The following ESRRG variants were observed in gnomAD, a reference collection of about 807,000 sequenced individuals.
ESRRG encodes estrogen-related receptor gamma.
In ESRRG, 13 loss-of-function variants were observed where a neutral mutation model predicts 44.0. That is an observed-to-expected ratio of 0.30 (90% confidence interval 0.19 to 0.47). The LOEUF (loss-of-function observed/expected upper bound fraction) is 0.47, where lower values mean the gene tolerates loss of function less well. ESRRG is among the 20% of genes least tolerant of loss of function. The pLI is 1.00. For missense variants in ESRRG, 395 were observed against 580.6 expected, an observed-to-expected ratio of 0.68 and a Z score of 3.29; for synonymous variants, 215 against 214.6, an observed-to-expected ratio of 1.00 and a Z score of -0.02.
chr1:216,647,652 C>T (rs950805723), intron 3 of ESRRG, among the ~76,000 whole-genome samples: 1 of 152,210 alleles, frequency 6.6e-6, no homozygotes, highest in Non-Finnish European at 1.5e-5. Context: ...CTCCTTCACA[C>T]TCCCACCAAC....
chr1:216,565,974 G>T (rs1441202942), intron 4 of ESRRG, among the ~76,000 whole-genome samples: 1 of 81,300 alleles, frequency 1.2e-5, no homozygotes, highest in Non-Finnish European at 2.6e-5. Flanking sequence ...AAGTAATCAT[G>T]ATTCTAGTTG....
intron 2 of ESRRG, among the ~76,000 whole-genome samples, chr1:216,832,957 A>AC (rs2148768356): frequency 6.7e-6 from 1 of 150,134 alleles, no homozygotes; most frequent in South Asian, 2.1e-4. Context: ...CCTGGGCGAC[A>AC]GAGTGGGACT....
chr1:216,592,368 C>G (rs2057798160), intron 3 of ESRRG, among the ~76,000 whole-genome samples: 1 of 152,102 alleles, frequency 6.6e-6, no homozygotes, highest in Non-Finnish European at 1.5e-5. Flanking sequence ...TCTCCAGACT[C>G]CAAAAAGTTA....
At chr1:216,786,364 A>G (rs1419258755) in intron 2 of ESRRG, among the ~76,000 whole-genome samples, 1 of 152,164 alleles carries the variant, frequency 6.6e-6, no homozygotes, top group Non-Finnish European at 1.5e-5. Flanking sequence ...TCATACAGAA[A>G]TAAAGTAAGT....
intron 1 of ESRRG, among the ~76,000 whole-genome samples, chr1:217,019,912 T>C (rs1199157266): frequency 6.6e-6 from 1 of 152,192 alleles, no homozygotes; most frequent in South Asian, 2.1e-4. Flanking sequence ...AATTAGAAAG[T>C]ATTTCTAATG....
chr1:216,880,377 G>C (rs184787935), intron 2 of ESRRG, among the ~76,000 whole-genome samples: 9 of 147,644 alleles, frequency 6.1e-5, no homozygotes, highest in Admixed American at 5.5e-4. Context: ...TCATTTAGGG[G>C]ATTGATAACA....
At chr1:216,912,266 G>GAA in intron 2 of ESRRG, among the ~76,000 whole-genome samples, 1 of 53,496 alleles carries the variant, frequency 1.9e-5, no homozygotes, top group Non-Finnish European at 4.5e-5. Flanking sequence ...GAGAGGAGAG[G>GAA]GGAGGGGAGG....
At chr1:216,940,907 G>C (rs1034180413) in intron 1 of ESRRG, among the ~76,000 whole-genome samples, 4 of 152,150 alleles carry the variant, frequency 2.6e-5, no homozygotes, top group Non-Finnish European at 5.9e-5. Context: ...TTGAATACTA[G>C]AAAACAAAGG....
intron 1 of ESRRG, among the ~76,000 whole-genome samples, chr1:216,718,913 C>T (rs1395626502): frequency 6.6e-6 from 1 of 151,902 alleles, no homozygotes; most frequent in Non-Finnish European, 1.5e-5. Flanking sequence ...ATAAGTGATG[C>T]TAAAAAGTTT....
chr1:216,578,899 A>G (rs1459471198), intron 3 of ESRRG, among the ~76,000 whole-genome samples: 1 of 152,140 alleles, frequency 6.6e-6, no homozygotes, highest in African/African-American at 2.4e-5. Context: ...TTTCTCTCCT[A>G]GAGTTAACAA....
At chr1:216,761,635 G>C (rs2092779554) in intron 2 of ESRRG, among the ~76,000 whole-genome samples, 1 of 152,034 alleles carries the variant, frequency 6.6e-6, no homozygotes, top group African/African-American at 2.4e-5. Context: ...ACAGCAACAA[G>C]GCAATACTTT....
intron 1 of ESRRG, among the ~76,000 whole-genome samples, chr1:217,002,975 C>T (rs1295744215): frequency 2.6e-5 from 4 of 152,092 alleles, no homozygotes; most frequent in African/African-American, 9.7e-5. Flanking sequence ...TTATTTTAAG[C>T]CATGAAAGCT....
At chr1:217,073,076 G>A (rs1370423235) in intron 1 of ESRRG, among the ~76,000 whole-genome samples, 2 of 151,794 alleles carry the variant, frequency 1.3e-5, no homozygotes, top group Non-Finnish European at 2.9e-5. Flanking sequence ...AAAGAAGGTT[G>A]GCTGGGAAGT....
chr1:216,599,355 T>G (rs1031127144), intron 3 of ESRRG, among the ~76,000 whole-genome samples: 2 of 152,198 alleles, frequency 1.3e-5, no homozygotes, highest in Non-Finnish European at 2.9e-5. Flanking sequence ...TCCTTACAAT[T>G]TCTTGAAGCT....
intron 2 of ESRRG, among the ~76,000 whole-genome samples, chr1:216,754,720 T>G (rs2092335524): frequency 6.9e-6 from 1 of 144,384 alleles, no homozygotes; most frequent in South Asian, 2.2e-4. Context: ...TTTTTTTTTT[T>G]TGCCACATTT....
At chr1:216,926,393 G>C (rs574993619) in intron 2 of ESRRG, among the ~76,000 whole-genome samples, 66 of 141,214 alleles carry the variant, frequency 4.7e-4, no homozygotes, top group Non-Finnish European at 8.8e-4. Flanking sequence ...TCCATCCCAG[G>C]AAAACTGATA....
chr1:216,893,874 C>T (rs573935911), intron 2 of ESRRG, among the ~76,000 whole-genome samples: 6 of 152,166 alleles, frequency 3.9e-5, no homozygotes, highest in Admixed American at 2.0e-4. Context: ...CTAAGGGAAT[C>T]GAATGCACCA....
At chr1:216,937,263 C>A (rs375621204) in intron 2 of ESRRG, among the ~76,000 whole-genome samples, 2 of 151,780 alleles carry the variant, frequency 1.3e-5, no homozygotes, top group Admixed American at 1.3e-4. Context: ...AAAAGATTGC[C>A]GTGATATTCT....
chr1:216,912,982 G>A (rs891813014), intron 2 of ESRRG, among the ~76,000 whole-genome samples: 2 of 151,688 alleles, frequency 1.3e-5, no homozygotes, highest in Non-Finnish European at 2.9e-5. Context: ...AATTAGCTGG[G>A]CGTGGTGACA....
Sources: allele counts gnomAD v4.1 joint callset (sites outside exome capture counted in the v4.1 genomes callset), GRCh38; gene constraint gnomAD v4.1.1; transcripts MANE v1.5; gene names NCBI Gene and HGNC (gene_info 2026-07-23, HGNC 2026-07-21).